The following TGFBR2 variants were observed in gnomAD, a reference collection of about 807,000 sequenced individuals.
TGFBR2 encodes the protein transforming growth factor beta receptor 2, also known as TGF-beta receptor type-2.
TGFBR2 carries 18 observed loss-of-function variants against 49.0 expected under a neutral mutation model. The observed-to-expected ratio is 0.37, with a 90% CI of 0.25 to 0.54. The LOEUF (loss-of-function observed/expected upper bound fraction) is 0.54. Among genes scored for constraint, TGFBR2 ranks in the 20% least tolerant of loss-of-function variants. The pLI is 0.85. For missense variants in TGFBR2, 525 were observed against 722.6 expected, an observed-to-expected ratio of 0.73 and a Z score of 3.13; for synonymous variants, 282 against 275.9, an observed-to-expected ratio of 1.02 and a Z score of -0.22.
In TGFBR2 at chr3:30,620,203, A is replaced by G. The variant is rs541748859; in HGVS notation, c.94+13226A>G. On this transcript the variant is annotated intron_variant, in intron 1 of 6. Transcript: ENST00000295754. ...CTCTGTCTCAAAACAAACAAAACAA[A>G]ACAAAACTCTTACTAGAATGAAAAC... 3.3e-5 allele frequency among the ~76,000 whole-genome samples: 5 copies of G among 152,168 alleles called. No individual in the cohort carries two copies. In the East Asian group the frequency reaches 9.7e-4, roughly 29 times the overall value.
At chr3:30,609,457 T>C (rs1206363179) in intron 1 of TGFBR2, among the ~76,000 whole-genome samples, 1 of 152,202 alleles carries the variant, frequency 6.6e-6, no homozygotes, top group East Asian at 1.9e-4. Context: ...TTCTGTTTAG[T>C]AGCTTCTGTA....
At chr3:30,634,166 T>A (rs941755275) in intron 1 of TGFBR2, among the ~76,000 whole-genome samples, 2 of 152,206 alleles carry the variant, frequency 1.3e-5, no homozygotes, top group Admixed American at 6.5e-5. Flanking sequence ...TCACAGAACA[T>A]TGATATTCGG....
chr3:30,649,679 C>T (rs1338241531), intron 2 of TGFBR2, among the ~76,000 whole-genome samples: 1 of 151,954 alleles, frequency 6.6e-6, no homozygotes, highest in Non-Finnish European at 1.5e-5. Context: ...AGTTCTTTAT[C>T]TGCGATGTTT....
chr3:30,693,318 G>T lies in TGFBR2; in HGVS notation c.*1719G>T. 1 of 233,792 alleles carries T rather than the reference G, an allele frequency of 4.3e-6. No homozygotes were observed. Among genetic ancestry groups the T allele is most frequent in the Non-Finnish European group, 8.5e-6 (1 of 118,008 alleles). 14.5% of individuals were successfully genotyped at this position (233,792 alleles called of 1,614,324 possible). A position where few individuals can be genotyped will look rare whatever the true frequency, so the allele number is the denominator to read the frequency against. On this transcript the variant is annotated 3_prime_UTR_variant, in exon 7 of 7. Coordinates refer to ENST00000295754, the MANE Select transcript of TGFBR2 (RefSeq NM_003242.6). ...AATGTGGGACACAAAGGTCCCATTT[G>T]CAGTTAGAAAATTTGTGTCCACAAG...
chr3:30,656,824 C>T (rs1203482254), intron 3 of TGFBR2, among the ~76,000 whole-genome samples: 1 of 152,206 alleles, frequency 6.6e-6, no homozygotes, highest in African/African-American at 2.4e-5. Flanking sequence ...ACCAGGGTCC[C>T]ACCCCTTTTC....
At chr3:30,651,408 A>G (rs1487267788) in intron 3 of TGFBR2, among the ~76,000 whole-genome samples, 1 of 151,992 alleles carries the variant, frequency 6.6e-6, no homozygotes, top group Non-Finnish European at 1.5e-5. Flanking sequence ...CCTTTCATCC[A>G]TCTGTCCATC....
At chr3:30,655,976 G>A (rs904450035) in intron 3 of TGFBR2, among the ~76,000 whole-genome samples, 1 of 152,198 alleles carries the variant, frequency 6.6e-6, no homozygotes, top group Admixed American at 6.5e-5. Context: ...GGGGCCTATT[G>A]CATTAGCATC....
chr3:30,614,078 C>T (rs1283149392), intron 1 of TGFBR2, among the ~76,000 whole-genome samples: 3 of 149,022 alleles, frequency 2.0e-5, no homozygotes, highest in Non-Finnish European at 4.4e-5. Flanking sequence ...TTTGCGTTGT[C>T]CTGAAGTGAA....
chr3:30,679,854 G>A (rs1325932477), intron 5 of TGFBR2, among the ~76,000 whole-genome samples: 1 of 152,166 alleles, frequency 6.6e-6, no homozygotes, highest in Non-Finnish European at 1.5e-5. Context: ...CCATGTACAG[G>A]TACAGGCTCA....
chr3:30,691,753 C>A lies in TGFBR2; in HGVS notation c.*154C>A. On this transcript the variant is annotated 3_prime_UTR_variant, in exon 7 of 7. Transcript: ENST00000295754. ...CTGTGGGGATAAGCAGAAACAACAG[C>A]AGCAGGGAGTGGGTGACATAGAGCA... 2.5e-6 allele frequency: 2 copies of A among 789,902 alleles called. No individual in the cohort carries two copies. 48.9% of individuals were successfully genotyped at this position (789,902 alleles called of 1,614,324 possible).
chr3:30,689,575 C>A (rs1424033697), intron 6 of TGFBR2, among the ~76,000 whole-genome samples: 1 of 152,172 alleles, frequency 6.6e-6, no homozygotes, highest in Non-Finnish European at 1.5e-5. Flanking sequence ...TGGCCCAGAG[C>A]CACTTCAGCA....
intron 5 of TGFBR2, among the ~76,000 whole-genome samples, chr3:30,686,903 GATTC>G (rs994294185): frequency 3.9e-5 from 6 of 152,098 alleles, no homozygotes; most frequent in Non-Finnish European, 8.8e-5. Context: ...GAGAATCTAA[GATTC>G]ATTCATTCAT....
chr3:30,654,639 T>C (rs1418856736), intron 3 of TGFBR2, among the ~76,000 whole-genome samples: 6 of 152,182 alleles, frequency 3.9e-5, no homozygotes, highest in African/African-American at 1.4e-4. Context: ...AGAAGTTGTT[T>C]GGATTGGTCA....
intron 1 of TGFBR2, among the ~76,000 whole-genome samples, chr3:30,634,102 G>GA (rs1235692004): frequency 6.6e-6 from 1 of 152,130 alleles, no homozygotes. Context: ...AGCATATTTT[G>GA]AAAAACTGAA....
chr3:30,649,888 A>G (rs540602310), intron 2 of TGFBR2, among the ~76,000 whole-genome samples: 2 of 152,292 alleles, frequency 1.3e-5, no homozygotes, highest in East Asian at 1.9e-4. Context: ...TACATTCAGG[A>G]TGGAAGATTT....
intron 1 of TGFBR2, among the ~76,000 whole-genome samples, chr3:30,629,935 T>G (rs946563348): frequency 3.3e-5 from 5 of 152,182 alleles, no homozygotes; most frequent in African/African-American, 1.2e-4. Flanking sequence ...GTTAAGCGCA[T>G]TCTAGTTGGA....
chr3:30,688,357 C>A (rs2125451502), intron 5 of TGFBR2, 27 bp from the exon 6 acceptor site: 1 of 1,614,064 alleles, frequency 6.2e-7, no homozygotes, highest in Non-Finnish European at 8.5e-7. Context: ...TTCTCAGTGA[C>A]CCTGTGTTTG....
intron 1 of TGFBR2, among the ~76,000 whole-genome samples, chr3:30,634,641 C>G (rs1698496354): frequency 6.6e-6 from 1 of 152,198 alleles, no homozygotes; most frequent in Admixed American, 6.5e-5. Flanking sequence ...TATCTTGCCT[C>G]TATCAGTCTG....
intron 2 of TGFBR2, among the ~76,000 whole-genome samples, chr3:30,646,688 G>T (rs1272203703): frequency 6.6e-6 from 1 of 152,104 alleles, no homozygotes; most frequent in Non-Finnish European, 1.5e-5. Flanking sequence ...ATGACCATAT[G>T]TCAAATAGAA....
Sources: allele counts gnomAD v4.1 joint callset (sites outside exome capture counted in the v4.1 genomes callset), GRCh38; gene constraint gnomAD v4.1.1; transcripts MANE v1.5; gene names NCBI Gene and HGNC (gene_info 2026-07-23, HGNC 2026-07-21).